STK32B: variants seen among roughly 807,000 people sequenced by gnomAD.
STK32B encodes the protein serine/threonine-protein kinase 32B.
A neutral mutation model predicts 52.6 loss-of-function variants in STK32B; 43 were observed. That is an observed-to-expected ratio of 0.82 (90% CI 0.64 to 1.05). The LOEUF (loss-of-function observed/expected upper bound fraction) is 1.05, where lower values mean the gene tolerates loss of function less well. STK32B is among the 50% of genes least tolerant of loss of function. The pLI, the probability that STK32B is intolerant of heterozygous loss-of-function variation, is 0.00. For missense variants in STK32B, 621 were observed against 534.6 expected (o/e 1.16, Z -1.59); for synonymous variants, 238 against 204.3 (o/e 1.17, Z -1.41).
intron 3 of STK32B, among the ~76,000 whole-genome samples, chr4:5,202,005 T>G (rs1722189392): frequency 6.6e-6 from 1 of 152,210 alleles, no homozygotes; most frequent in Non-Finnish European, 1.5e-5. Flanking sequence ...CCCCAAAGTC[T>G]TAACTCATTC....
chr4:5,246,245 C>T (rs1288159049), intron 3 of STK32B, among the ~76,000 whole-genome samples: 1 of 152,190 alleles, frequency 6.6e-6, no homozygotes, highest in Non-Finnish European at 1.5e-5. Flanking sequence ...CACATAGTCC[C>T]ATATTTCTTG....
chr4:5,461,143 T>A (rs1395929634), intron 9 of STK32B, among the ~76,000 whole-genome samples: 3 of 152,112 alleles, frequency 2.0e-5, no homozygotes, highest in African/African-American at 7.2e-5. Flanking sequence ...AAATCCTGGG[T>A]GACATTCCAG....
intron 3 of STK32B, among the ~76,000 whole-genome samples, chr4:5,179,473 A>G (rs1027263320): frequency 1.3e-5 from 2 of 152,000 alleles, no homozygotes; most frequent in Non-Finnish European, 2.9e-5. Context: ...TGATGCATAG[A>G]TGATAAATAC....
At chr4:5,498,453 C>T (rs1163396400) in intron 11 of STK32B, among the ~76,000 whole-genome samples, 2 of 152,140 alleles carry the variant, frequency 1.3e-5, no homozygotes, top group African/African-American at 4.8e-5. Context: ...CCCCTTTTGT[C>T]ATTGAGCTCC....
chr4:5,410,959 G>A (rs1056154387), intron 5 of STK32B, among the ~76,000 whole-genome samples: 8 of 152,040 alleles, frequency 5.3e-5, no homozygotes, highest in African/African-American at 1.9e-4. Context: ...GGCAGAAGAT[G>A]GAAGATCAAA....
At chr4:5,062,057 C>G (rs995606959) in intron 1 of STK32B, among the ~76,000 whole-genome samples, 1 of 152,150 alleles carries the variant, frequency 6.6e-6, no homozygotes, top group African/African-American at 2.4e-5. Context: ...AAAAATATTC[C>G]AGTCCACCAG....
intron 1 of STK32B, among the ~76,000 whole-genome samples, chr4:5,102,044 G>C (rs1713813928): frequency 6.6e-6 from 1 of 152,194 alleles, no homozygotes; most frequent in Non-Finnish European, 1.5e-5. Context: ...TAAAGTGTGT[G>C]GTCATGCTGT....
At chr4:5,484,827 T>C (rs1719014199) in intron 11 of STK32B, among the ~76,000 whole-genome samples, 1 of 152,178 alleles carries the variant, frequency 6.6e-6, no homozygotes, top group South Asian at 2.1e-4. Flanking sequence ...GTAAAGTATT[T>C]TATTTCTCCT....
chr4:5,210,053 G>A (rs936896715), intron 3 of STK32B, among the ~76,000 whole-genome samples: 1 of 152,174 alleles, frequency 6.6e-6, no homozygotes, highest in South Asian at 2.1e-4. Context: ...GTGCGTCATT[G>A]AAGCTCTTCC....
intron 3 of STK32B, among the ~76,000 whole-genome samples, chr4:5,228,981 A>G (rs540591318): frequency 3.9e-4 from 60 of 152,272 alleles, no homozygotes; most frequent in African/African-American, 1.4e-3. Context: ...AGAAAAAAAA[A>G]GTTATGTTTA....
rs796458055 is a variant in STK32B at position 5,457,250 on chromosome 4, C to G, written c.783+327C>G. On this transcript the variant is annotated intron_variant, in intron 8 of 11. Transcript: ENST00000282908. ...TTTTTTTAATATACGGAGTCTCACTCTGTCGCCCAGGCTGGAGTGCAGTGG... is the reference window on the plus strand; with the variant it reads ...TTTTTTTAATATACGGAGTCTCACTGTGTCGCCCAGGCTGGAGTGCAGTGG... 4.8e-4 allele frequency among the ~76,000 whole-genome samples: 64 copies of G among 132,520 alleles called. 1 individual carries two copies. The highest frequency in any genetic ancestry group is 1.8e-3 in the African/African-American group (63 of 35,056). 86.9% of individuals were successfully genotyped at this position (132,520 alleles called of 152,430 possible).
intron 3 of STK32B, among the ~76,000 whole-genome samples, chr4:5,171,680 T>A (rs1437325612): frequency 6.9e-6 from 1 of 144,768 alleles, no homozygotes; most frequent in Non-Finnish European, 1.6e-5. Flanking sequence ...TCTGTTTTGG[T>A]ACCAGTTGCA....
At chr4:5,162,045 G>A (rs567334644) in intron 2 of STK32B, among the ~76,000 whole-genome samples, 5 of 152,108 alleles carry the variant, frequency 3.3e-5, no homozygotes, top group African/African-American at 9.7e-5. Context: ...AGTCAGACCC[G>A]CAGCTGCCCA....
At position 5,331,480 on chromosome 4, in the gene STK32B, T is replaced by C. The variant is rs1371781007; in HGVS notation, c.434+87T>C. On this transcript the variant is annotated intron_variant, in intron 4 of 11. Transcript: ENST00000282908. ...AGTCTGCAGTAGTGGGGAGAGAATTTTGTCCTTGACATGGTTTAAAAGTGG... is the reference window on the plus strand; with the variant it reads ...AGTCTGCAGTAGTGGGGAGAGAATTCTGTCCTTGACATGGTTTAAAAGTGG... 11 of 1,432,376 alleles carry C rather than the reference T, an allele frequency of 7.7e-6. No homozygotes were observed. The South Asian group carries it at 1.5e-4, about 20-fold the overall frequency. 88.7% of individuals were successfully genotyped at this position (1,432,376 alleles called of 1,614,324 possible).
chr4:5,353,153 G>A (rs1021848628), intron 4 of STK32B, among the ~76,000 whole-genome samples: 1 of 152,028 alleles, frequency 6.6e-6, no homozygotes, highest in East Asian at 1.9e-4. Flanking sequence ...ACGTACCTGG[G>A]GAAACAACAC....
At chr4:5,084,823 A>G (rs1386470498) in intron 1 of STK32B, among the ~76,000 whole-genome samples, 1 of 152,232 alleles carries the variant, frequency 6.6e-6, no homozygotes. Context: ...TTTTAAAGAC[A>G]ACCTTTAATG....
At chr4:5,166,405 C>T (rs1048997595) in intron 2 of STK32B, among the ~76,000 whole-genome samples, 1 of 150,852 alleles carries the variant, frequency 6.6e-6, no homozygotes, top group African/African-American at 2.4e-5. Context: ...AATTCAACTC[C>T]TCCTGGAACC....
chr4:5,067,901 T>G (rs1004124651), intron 1 of STK32B, among the ~76,000 whole-genome samples: 8 of 152,080 alleles, frequency 5.3e-5, no homozygotes, highest in Non-Finnish European at 1.2e-4. Flanking sequence ...CACACATTTT[T>G]AAACAACCAG....
intron 3 of STK32B, among the ~76,000 whole-genome samples, chr4:5,207,565 A>G (rs1722648353): frequency 6.6e-6 from 1 of 152,008 alleles, no homozygotes; most frequent in Admixed American, 6.6e-5. Context: ...GTATTTCTTC[A>G]TAACAGTATG....
Sources: allele counts gnomAD v4.1 joint callset (sites outside exome capture counted in the v4.1 genomes callset), GRCh38; gene constraint gnomAD v4.1.1; transcripts MANE v1.5; gene names NCBI Gene and HGNC (gene_info 2026-07-23, HGNC 2026-07-21).